PDZD8: variants seen among roughly 807,000 people sequenced by gnomAD.
PDZD8 encodes PDZ domain-containing protein 8.
PDZD8 carries 14 observed loss-of-function variants against 85.8 expected under a neutral mutation model. The ratio of observed to expected loss-of-function variants is 0.16; its 90% CI spans 0.11 to 0.26. The LOEUF is 0.26. Ranked by LOEUF, PDZD8 falls within the 10% of genes least tolerant of loss-of-function variation. The pLI, the probability that PDZD8 is intolerant of heterozygous loss-of-function variation, is 1.00. For missense variants in PDZD8, 1,197 were observed against 1,424.3 expected (o/e 0.84, Z 2.57); for synonymous variants, 592 against 568.6 (o/e 1.04, Z -0.59).
At chr10:117,337,259 C>T (rs371213590) in intron 2 of PDZD8, among the ~76,000 whole-genome samples, 32 of 152,188 alleles carry the variant, frequency 2.1e-4, no homozygotes, top group African/African-American at 5.3e-4. Context: ...TCCTTCAAGA[C>T]AGAAGATAGA....
chr10:117,340,943 T>C, intron 2 of PDZD8, 37 bp downstream of exon 2: 1 of 1,610,294 alleles, frequency 6.2e-7, no homozygotes, highest in Non-Finnish European at 8.5e-7. Flanking sequence ...TGCACTGTTC[T>C]TCCCGTAACT....
At chr10:117,301,431 TGA>T (rs1181983342) in intron 3 of PDZD8, among the ~76,000 whole-genome samples, 1 of 152,200 alleles carries the variant, frequency 6.6e-6, no homozygotes, top group Non-Finnish European at 1.5e-5. Context: ...CAGTTACAAT[TGA>T]GAGGTCAAGA....
intron 2 of PDZD8, among the ~76,000 whole-genome samples, chr10:117,334,645 CATA>C (rs1844485802): frequency 6.6e-6 from 1 of 151,376 alleles, no homozygotes; most frequent in Non-Finnish European, 1.5e-5. Flanking sequence ...TAAAGGAAAA[CATA>C]ATGAGTGAAC....
At chr10:117,321,946 T>C (rs141562868) in intron 2 of PDZD8, among the ~76,000 whole-genome samples, 1 of 152,196 alleles carries the variant, frequency 6.6e-6, no homozygotes, top group Non-Finnish European at 1.5e-5. Flanking sequence ...TACATATTAA[T>C]AACATTCTTA....
intron 1 of PDZD8, among the ~76,000 whole-genome samples, chr10:117,353,862 ATGTGGTTTC>A (rs1844849198): frequency 6.6e-6 from 1 of 152,126 alleles, no homozygotes; most frequent in Non-Finnish European, 1.5e-5. Flanking sequence ...TACTAAAACA[ATGTGGTTTC>A]TGTCTTCCTG....
At chr10:117,340,347 A>G (rs1432884883) in intron 2 of PDZD8, among the ~76,000 whole-genome samples, 1 of 152,212 alleles carries the variant, frequency 6.6e-6, no homozygotes, top group African/African-American at 2.4e-5. Context: ...CAGTTTAGCA[A>G]GAAACCCCTA....
rs1184491489 is a variant in PDZD8 at position 117,315,811 on chromosome 10, T to C, written c.1098+3061A>G. On this transcript the variant is annotated intron_variant, in intron 3 of 4. Transcript: ENST00000334464. ...CTTTAATATATGTCAGATTAATTTA[T>C]TGTGAATTTTATTTGTAAGCACTAT... 9.2e-5 allele frequency among the ~76,000 whole-genome samples: 14 copies of C among 152,124 alleles called. No homozygotes were observed. The East Asian group carries it at 2.5e-3, about 27-fold the overall frequency.
chr10:117,371,623 C>A (rs150044918), intron 1 of PDZD8, among the ~76,000 whole-genome samples: 21 of 152,280 alleles, frequency 1.4e-4, no homozygotes, highest in Middle Eastern at 3.4e-3. Flanking sequence ...TCAACCCCAT[C>A]AATCCCATTC....
intron 3 of PDZD8, among the ~76,000 whole-genome samples, chr10:117,317,429 A>G (rs1208899839): frequency 6.6e-6 from 1 of 152,092 alleles, no homozygotes; most frequent in Non-Finnish European, 1.5e-5. Flanking sequence ...CTTTGCTGAC[A>G]TTTTCAACAT....
At chr10:117,295,287 T>C (rs1843736034) in intron 3 of PDZD8, among the ~76,000 whole-genome samples, 1 of 152,200 alleles carries the variant, frequency 6.6e-6, no homozygotes, top group Non-Finnish European at 1.5e-5. Context: ...CTAAAGCTGC[T>C]GTTAGAGGTA....
At position 117,374,331 on chromosome 10, in the gene PDZD8, G is replaced by T. The variant is rs773372790; in HGVS notation, c.872+25C>A. On this transcript the variant is annotated intron_variant, in intron 1 of 4. Coordinates refer to ENST00000334464, the MANE Select transcript of PDZD8 (RefSeq NM_173791.5). This position sits in a 1 kb window ranked among gnomAD's most constrained non-coding sequence, Gnocchi z 7.8. ...CCAGGCCCGGGTTCCCGGCAGCCAG[G>T]CCCCCTCCCCGACCTCCAGCTCACC... 6.2e-7 allele frequency: 1 copy of T among 1,606,176 alleles called. No individual in the cohort carries two copies. Among genetic ancestry groups the T allele is most frequent in the Admixed American group, 1.7e-5 (1 of 59,760 alleles).
Position 117,277,331 on chromosome 10 carries a change from T to A in PDZD8, c.*5937A>T. On this transcript the variant is annotated 3_prime_UTR_variant, in exon 5 of 5. Coordinates refer to ENST00000334464, the MANE Select transcript of PDZD8 (RefSeq NM_173791.5). ...AAAACAGTGTTTCCAGTGACACAAC[T>A]CATCCAGAACTGTCTTAGTCATACC... 1 of 1,001,008 alleles carries A rather than the reference T, an allele frequency of 1.0e-6. No individual in the cohort carries two copies. Among genetic ancestry groups the A allele is most frequent in the Non-Finnish European group, 1.5e-6 (1 of 652,784 alleles). The allele number at this position is 1,001,008 out of a possible 1,614,324, so 62.0% of individuals were successfully genotyped here.
At chr10:117,308,688 C>T (rs942684705) in intron 3 of PDZD8, among the ~76,000 whole-genome samples, 3 of 152,104 alleles carry the variant, frequency 2.0e-5, no homozygotes, top group Non-Finnish European at 4.4e-5. Flanking sequence ...TTAAGAACAT[C>T]AGCTGTGGAG....
chr10:117,339,558 G>A (rs1277328324), intron 2 of PDZD8, among the ~76,000 whole-genome samples: 1 of 152,136 alleles, frequency 6.6e-6, no homozygotes, highest in East Asian at 1.9e-4. Context: ...GGGCTATCAA[G>A]GGTTTCTATG....
At chr10:117,300,854 G>T (rs893578405) in intron 3 of PDZD8, among the ~76,000 whole-genome samples, 3 of 152,152 alleles carry the variant, frequency 2.0e-5, no homozygotes, top group South Asian at 2.1e-4. Flanking sequence ...AGCAGACAGT[G>T]AATCTGCTGG....
chr10:117,359,862 A>G (rs1299489396), intron 1 of PDZD8, among the ~76,000 whole-genome samples: 2 of 152,218 alleles, frequency 1.3e-5, no homozygotes, highest in Non-Finnish European at 2.9e-5. Context: ...AAATTGTTCT[A>G]TTTATGAAAT....
rs1844543750 is a variant in PDZD8 at position 117,279,207 on chromosome 10, T to A, written c.*4061A>T. On this transcript the variant is annotated 3_prime_UTR_variant, in exon 5 of 5. Coordinates refer to ENST00000334464, the MANE Select transcript of PDZD8 (RefSeq NM_173791.5). ...CTTTTATATGACTAATATTCTTGGT[T>A]AGCAAGACTGGAAAGAGGTGTTTTT... 1 of 152,220 alleles carries A rather than the reference T, an allele frequency of 6.6e-6. No individual in the cohort carries two copies. The highest frequency in any genetic ancestry group is 1.5e-5 in the Non-Finnish European group (1 of 68,042). 9.4% of individuals were successfully genotyped at this position (152,220 alleles called of 1,614,324 possible).
intron 1 of PDZD8, among the ~76,000 whole-genome samples, chr10:117,361,846 T>G (rs1482900565): frequency 6.6e-6 from 1 of 152,194 alleles, no homozygotes; most frequent in Non-Finnish European, 1.5e-5. Context: ...GTATAAGAAC[T>G]ATTTATATAG....
intron 3 of PDZD8, among the ~76,000 whole-genome samples, chr10:117,294,094 G>A (rs1565020081): frequency 6.6e-6 from 1 of 152,096 alleles, no homozygotes; most frequent in African/African-American, 2.4e-5. Flanking sequence ...ATATAGGGGG[G>A]AAAATCTAAA....
Sources: gnomAD v4.1 joint callset for allele counts (sites outside exome capture counted in the v4.1 genomes callset) on GRCh38, gnomAD v4.1.1 for gene constraint, Gnocchi (gnomAD v3.1) non-coding constraint, MANE v1.5 for transcripts, NCBI Gene and HGNC (gene_info 2026-07-23, HGNC 2026-07-21) for gene names.